SPATA31D1: variants seen among roughly 807,000 people sequenced by gnomAD.
The protein encoded by SPATA31D1 is spermatogenesis-associated protein 31D1.
In SPATA31D1, 6 loss-of-function variants were observed where a neutral mutation model predicts 13.2. That is an observed-to-expected ratio of 0.46 (90% CI 0.25 to 0.90). The LOEUF is 0.90. Among genes scored for constraint, SPATA31D1 ranks in the 40% least tolerant of loss-of-function variants. The probability of loss-of-function intolerance (pLI) is 0.18; values close to 1 mark genes in which losing one functional copy is unlikely to be tolerated. For synonymous variants in SPATA31D1, 903 were observed against 718.8 expected, an observed-to-expected ratio of 1.26 and a Z score of -4.10; for missense variants, 2,445 against 1,884.7, an observed-to-expected ratio of 1.30 and a Z score of -5.50.
rs750768667 is a variant in SPATA31D1 at position 81,994,815 on chromosome 9, G to A, written c.4345G>A (p.Val1449Ile). The part of the protein sequence containing the change: ...GKAQHNPEVH[V>I]RAEPVQGCPC... ...AGCTCAGCACAACCCAGAAGTGCAT[G>A]TCAGAGCAGAGCCTGTCCAGGGCTG... Residue 1449 changes from valine to isoleucine, a missense_variant, in exon 4 of 4, where the codon GTC (valine) becomes ATC (isoleucine). By Grantham distance (29) the Val-to-Ile change is conservative. Coordinates refer to ENST00000344803, the MANE Select transcript of SPATA31D1 (RefSeq NM_001001670.3). The A allele has an allele frequency of 1.2e-6, 2 of 1,613,956 alleles. No individual in the cohort carries two copies. The highest frequency in any genetic ancestry group is 1.7e-6 in the Non-Finnish European group (2 of 1,179,878).
Position 81,993,290 on chromosome 9 carries a change from C to T in SPATA31D1, c.2820C>T (p.Ser940=), listed in dbSNP as rs1209254598. 7 of 1,613,842 alleles carry T rather than the reference C, an allele frequency of 4.3e-6. No individual in the cohort carries two copies. The Admixed American group carries it at 1.0e-4, about 23-fold the overall frequency. ...KSKADLSTSF[S]HFDLPSSATF... is the part of the protein sequence containing the mutation. ...AAGCGGACCTTTCCACTTCCTTTTC[C>T]CATTTCGACCTTCCCTCCTCAGCCA... Residue 940 remains serine, a synonymous_variant, in exon 4 of 4, where the codon TCC becomes TCT. Transcript: ENST00000344803.
chr9:81,991,813 T>G lies in SPATA31D1; in HGVS notation c.1343T>G (p.Leu448Arg). ...FPKQLRPNYQ[L>R]NSSRNMLTSI... is the part of the protein sequence containing the mutation. ...AAACAACTTAGGCCAAACTACCAAC[T>G]AAATTCCTCACGGAATATGTTAACC... The change falls in exon 4 of 4, where the codon CTA (leucine) becomes CGA (arginine). Residue 448 changes from leucine to arginine, a missense_variant. Leu to Arg is a moderately radical substitution (Grantham distance 102). Transcript: ENST00000344803. 1 of 1,613,758 alleles carries G rather than the reference T, an allele frequency of 6.2e-7. No homozygotes were observed. The highest frequency in any genetic ancestry group is 8.5e-7 in the Non-Finnish European group (1 of 1,179,710).
chr9:81,990,513 G>A (rs777528765), intron 3 of SPATA31D1, 27 bp downstream of exon 3: 32 of 1,575,110 alleles, frequency 2.0e-5, no homozygotes, highest in Non-Finnish European at 2.6e-5. Flanking sequence ...TTTGTGTCCT[G>A]TTCCCACCCC....
At position 81,990,802 on chromosome 9, in the gene SPATA31D1, G is replaced by C. The variant is rs182884415; in HGVS notation, c.332G>C (p.Arg111Pro). 3.1e-6 allele frequency: 5 copies of C among 1,612,632 alleles called. No individual in the cohort carries two copies. Among genetic ancestry groups the C allele is most frequent in the East Asian group, 2.2e-5 (1 of 44,830 alleles). ...SFGPPVSCSP[R>P]GQHHDTNHFR... ...GGACCTCCTGTTTCCTGCAGTCCTC[G>C]GGGCCAGCATCATGATACCAACCAC... Residue 111 changes from arginine (R) to proline (P), a missense_variant, in exon 4 of 4, where the codon CGG (arginine) becomes CCG (proline). By Grantham distance (103) the Arg-to-Pro change is moderately radical (BLOSUM62 -2). Coordinates refer to ENST00000344803, the MANE Select transcript of SPATA31D1 (RefSeq NM_001001670.3).
At position 81,994,944 on chromosome 9, in the gene SPATA31D1, A is replaced by T. The variant is rs769458384; in HGVS notation, c.4474A>T (p.Ile1492Phe). 2 of 1,613,900 alleles carry T rather than the reference A, an allele frequency of 1.2e-6. No individual in the cohort carries two copies. The highest frequency in any genetic ancestry group is 2.7e-5 in the African/African-American group (2 of 74,934). Reference sequence around the variant, plus strand: ...GAATTATCCTACAAGGATTAGACAGATCATAGACAAGGACAGACAGCCCCA... The same window carrying T: ...GAATTATCCTACAAGGATTAGACAGTTCATAGACAAGGACAGACAGCCCCA... ...GQNYPTRIRQ[I>F]IDKDRQPQKV... Residue 1492 changes from isoleucine to phenylalanine, a missense_variant, in exon 4 of 4, where the codon ATC (isoleucine) becomes TTC (phenylalanine). Physicochemically the swap from Ile to Phe is conservative, Grantham distance 21. Transcript: ENST00000344803.
At position 81,993,613 on chromosome 9, in the gene SPATA31D1, A is replaced by G. The variant is rs1376109920; in HGVS notation, c.3143A>G (p.His1048Arg). 1 of 1,613,874 alleles carries G rather than the reference A, an allele frequency of 6.2e-7. No homozygotes were observed. Among genetic ancestry groups the G allele is most frequent in the Non-Finnish European group, 8.5e-7 (1 of 1,179,848 alleles). Residue 1048 changes from histidine (H) to arginine (R), a missense_variant, in exon 4 of 4, where the codon CAT (histidine) becomes CGT (arginine). By Grantham distance (29) the His-to-Arg change is conservative (BLOSUM62 0). Transcript: ENST00000344803. ...DSTSSFPILGHSYLVTSPVNQ... is the reference protein window; with the variant it reads ...DSTSSFPILGRSYLVTSPVNQ... ...ACAAGCTCATTCCCCATCCTCGGTC[A>G]TTCTTACCTTGTCACTTCACCTGTC...
intron 2 of SPATA31D1, 27 bp from the exon 3 acceptor site, chr9:81,990,390 C>T (rs1824926486): frequency 6.4e-7 from 1 of 1,562,094 alleles, no homozygotes; most frequent in African/African-American, 1.4e-5. Flanking sequence ...GTGCCTCTAT[C>T]TTCATTGCAT....
In SPATA31D1 at chr9:81,988,826, A is replaced by C; in HGVS notation, c.8A>C (p.Asn3Thr). The change falls in exon 1 of 4, where the codon AAT (asparagine) becomes ACT (threonine). Residue 3 changes from asparagine to threonine, a missense_variant. Transcript: ENST00000344803. Reference sequence around the variant, plus strand: ...AGCTGAGCTATTCAGACCATGGAGAATATCCTCTGTTTTCTGAACAGCTAT... The same window carrying C: ...AGCTGAGCTATTCAGACCATGGAGACTATCCTCTGTTTTCTGAACAGCTAT... ME[N>T]ILCFLNSYTE... is the part of the protein sequence containing the mutation. 6.2e-7 allele frequency: 1 copy of C among 1,612,592 alleles called. No individual in the cohort carries two copies. Among genetic ancestry groups the C allele is most frequent in the Non-Finnish European group, 8.5e-7 (1 of 1,179,724 alleles).
At position 81,995,197 on chromosome 9, in the gene SPATA31D1, A is replaced by G; in HGVS notation, c.4727A>G (p.Lys1576Arg). The change falls in exon 4 of 4, where the codon AAA becomes AGA. Residue 1576 changes from lysine to arginine, a missense_variant. By Grantham distance (26) the Lys-to-Arg change is conservative. Coordinates refer to ENST00000344803, the MANE Select transcript of SPATA31D1 (RefSeq NM_001001670.3). ...HLQGGKFPPTK is the reference protein window; with the variant it reads ...HLQGGKFPPTR ...CAGGGAGGAAAATTTCCCCCCACAA[A>G]ATAATTCACTCCTTGTTGAGAATCT... 1 of 1,517,450 alleles carries G rather than the reference A, an allele frequency of 6.6e-7. No homozygotes were observed. Among genetic ancestry groups the G allele is most frequent in the East Asian group, 2.4e-5 (1 of 40,846 alleles). The allele number at this position is 1,517,450 out of a possible 1,614,324, so 94.0% of individuals were successfully genotyped here. A position where few individuals can be genotyped will look rare whatever the true frequency, so the allele number is the denominator to read the frequency against.
chr9:81,993,152 C>T lies in SPATA31D1; in HGVS notation c.2682C>T (p.Phe894=), dbSNP rs1230352298. The T allele has an allele frequency of 1.9e-6, 3 of 1,613,868 alleles. No individual in the cohort carries two copies. The highest frequency in any genetic ancestry group is 3.3e-5 in the Admixed American group (2 of 60,002). ...TTGATACTTCCCAGGAAATTTCCTT[C>T]CTTAGTTCCAACAAACAAAAGATGT... ...HCVDTSQEIS[F]LSSNKQKMLE... The change falls in exon 4 of 4, where the codon TTC becomes TTT. Residue 894 remains phenylalanine, a synonymous_variant. Coordinates refer to ENST00000344803, the MANE Select transcript of SPATA31D1 (RefSeq NM_001001670.3).
chr9:81,991,645 G>A lies in SPATA31D1; in HGVS notation c.1175G>A (p.Gly392Glu), dbSNP rs762637706. 4 of 1,613,892 alleles carry A rather than the reference G, an allele frequency of 2.5e-6. No homozygotes were observed. The highest frequency in any genetic ancestry group is 1.1e-5 in the South Asian group (1 of 91,078). Residue 392 changes from glycine to glutamate, a missense_variant, in exon 4 of 4, where the codon GGG (glycine) becomes GAG (glutamate). By Grantham distance (98) the Gly-to-Glu change is moderately conservative (BLOSUM62 -2). Transcript: ENST00000344803. ...CATTCTTCTGAGGCCTTTTTAGGGGGGCACTCTGTGGCCAACCTCATAGAG... is the reference window on the plus strand; with the variant it reads ...CATTCTTCTGAGGCCTTTTTAGGGGAGCACTCTGTGGCCAACCTCATAGAG... ...TLHSSEAFLG[G>E]HSVANLIEPV...
rs1824971683 is a variant in SPATA31D1 at position 81,991,820 on chromosome 9, C to T, written c.1350C>T (p.Ser450=). The T allele has an allele frequency of 6.2e-7, 1 of 1,613,798 alleles. No individual in the cohort carries two copies. The highest frequency in any genetic ancestry group is 8.5e-7 in the Non-Finnish European group (1 of 1,179,726). ...KQLRPNYQLN[S]SRNMLTSIAV... ...TTAGGCCAAACTACCAACTAAATTC[C>T]TCACGGAATATGTTAACCTCAATTG... Residue 450 remains serine (S), a synonymous_variant, in exon 4 of 4, where the codon TCC becomes TCT. Coordinates refer to ENST00000344803, the MANE Select transcript of SPATA31D1 (RefSeq NM_001001670.3).
intron 1 of SPATA31D1, 47 bp from the exon 2 acceptor site, chr9:81,989,731 T>A: frequency 6.2e-7 from 1 of 1,601,658 alleles, no homozygotes; most frequent in Non-Finnish European, 8.5e-7. Context: ...TCATAGAGAG[T>A]GAGAGAAGTG....
Position 81,994,274 on chromosome 9 carries a change from G to A in SPATA31D1, c.3804G>A (p.Gln1268=). The change falls in exon 4 of 4, where the codon CAG becomes CAA. Residue 1268 remains glutamine, a synonymous_variant. Transcript: ENST00000344803. ...HLEDSGIRVA[Q]KQEPRVPTCV... The stretch of plus-strand genomic sequence containing the variant: ...AGGACAGCGGAATCCGTGTGGCACA[G>A]AAGCAGGAGCCCAGGGTCCCTACCT... The A allele has an allele frequency of 6.2e-7, 1 of 1,614,032 alleles. No individual in the cohort carries two copies.
At chr9:81,989,296 G>GA in intron 1 of SPATA31D1, among the ~76,000 whole-genome samples, 1 of 152,184 alleles carries the variant, frequency 6.6e-6, no homozygotes, top group Admixed American at 6.5e-5. Flanking sequence ...TCCCAGGTGG[G>GA]ATTATTTAGA....
Position 81,992,141 on chromosome 9 carries a change from T to G in SPATA31D1, c.1671T>G (p.Ser557Arg). The change falls in exon 4 of 4, where the codon AGT becomes AGG. Residue 557 changes from serine to arginine, a missense_variant. By Grantham distance (110) the Ser-to-Arg change is moderately radical. Transcript: ENST00000344803. Reference protein sequence around the residue: ...LPPPQPLSLPSTQPLPLPQTL... With the variant: ...LPPPQPLSLPRTQPLPLPQTL... ...CTCCCCAACCTCTGTCCTTGCCTAG[T>G]ACCCAACCACTACCCTTGCCTCAAA... The G allele has an allele frequency of 6.2e-7, 1 of 1,613,732 alleles. No homozygotes were observed. Among genetic ancestry groups the G allele is most frequent in the Middle Eastern group, 1.7e-4 (1 of 6,056 alleles).
At chr9:81,987,663 T>TA (rs1746040115), upstream of SPATA31D1, among the ~76,000 whole-genome samples, 1 of 152,248 alleles carries the variant, frequency 6.6e-6, no homozygotes. Context: ...TTTAATTATA[T>TA]ATATTTATTG....
rs373040016 is a variant in SPATA31D1 at position 81,992,830 on chromosome 9, A to C, written c.2360A>C (p.His787Pro). The change falls in exon 4 of 4, where the codon CAT (histidine) becomes CCT (proline). Residue 787 changes from histidine to proline, a missense_variant. His to Pro is a moderately conservative substitution (Grantham distance 77). Coordinates refer to ENST00000344803, the MANE Select transcript of SPATA31D1 (RefSeq NM_001001670.3). ...ACTGTCCCAAAAGATCACCTGTTGC[A>C]TGGTCCGGAGACTTCTTCAGACAAG... ...QETVPKDHLL[H>P]GPETSSDKDL... The C allele has an allele frequency of 2.4e-5, 39 of 1,613,826 alleles. No individual in the cohort carries two copies. In the African/African-American group the frequency reaches 5.1e-4, roughly 21 times the overall value.
Position 81,990,760 on chromosome 9 carries a change from G to A in SPATA31D1, c.303-13G>A, listed in dbSNP as rs1327885110. ...TAACAAATCTCCTTTCCTTGTTCTG[G>A]TCCTGACTGCAGCTTTGGACCTCCT... On this transcript the variant is annotated splice_polypyrimidine_tract_variant and intron_variant, in intron 3 of 3. Transcript: ENST00000344803. 4 of 1,595,820 alleles carry A rather than the reference G, an allele frequency of 2.5e-6. No homozygotes were observed. The highest frequency in any genetic ancestry group is 2.3e-5 in the East Asian group (1 of 44,200).
Sources: gnomAD v4.1 joint callset for allele counts (sites outside exome capture counted in the v4.1 genomes callset) on GRCh38, gnomAD v4.1.1 for gene constraint, MANE v1.5 for transcripts, NCBI Gene and HGNC (gene_info 2026-07-23, HGNC 2026-07-21) for gene names.